Variants in GGPS1 observed in about 807,000 individuals in gnomAD.
GGPS1 encodes the protein geranylgeranyl diphosphate synthase 1, also known as geranylgeranyl pyrophosphate synthase.
Under a neutral mutation model 28.1 loss-of-function variants are expected in GGPS1, and 15 were observed. The ratio of observed to expected loss-of-function variants is 0.53; its 90% CI spans 0.36 to 0.82. The LOEUF (loss-of-function observed/expected upper bound fraction) is 0.82, where lower values mean the gene tolerates loss of function less well. Ranked by LOEUF, GGPS1 falls within the 40% of genes least tolerant of loss-of-function variation. The pLI, the probability that GGPS1 is intolerant of heterozygous loss-of-function variation, is 0.01. For synonymous variants in GGPS1, 138 were observed against 122.4 expected (o/e 1.13, Z -0.84); for missense variants, 284 against 348.3 (o/e 0.82, Z 1.47).
intron 2 of GGPS1, among the ~76,000 whole-genome samples, chr1:235,338,832 C>G (rs1319672043): frequency 3.9e-5 from 6 of 152,120 alleles, no homozygotes; most frequent in Non-Finnish European, 8.8e-5. Context: ...TGCCACTGCA[C>G]TCCAGCCTGG....
In GGPS1 at chr1:235,341,718, G is replaced by A. The variant is rs754548777; in HGVS notation, c.81G>A (p.Val27=). 8.8e-6 allele frequency: 14 copies of A among 1,582,000 alleles called. No homozygotes were observed. In the Admixed American group the frequency reaches 2.2e-4, roughly 25 times the overall value. ...ATTTTTAAATTGCAGGTAAACAAGTGAGAACCAAACTTTCACAGGCATTTA... is the reference window on the plus strand; with the variant it reads ...ATTTTTAAATTGCAGGTAAACAAGTAAGAACCAAACTTTCACAGGCATTTA... The part of the protein sequence containing the change: ...KYLLQLPGKQ[V]RTKLSQAFNH... The change falls in exon 3 of 4, where the codon GTG becomes GTA. Residue 27 remains valine, a synonymous_variant. Transcript: ENST00000282841.
Position 235,336,398 on chromosome 1 carries a change from A to G in GGPS1, c.70+1064A>G, listed in dbSNP as rs542933994. Among the ~76,000 whole-genome samples, 36 of 150,678 alleles carry G rather than the reference A, an allele frequency of 2.4e-4. No homozygotes were observed. In the South Asian group the frequency reaches 7.6e-3, roughly 32 times the overall value. ...GAATGAGACTCCGACTCAAAAAAAA[A>G]GAAGAACTTGTCTGGAAATGATAAT... On this transcript the variant is annotated intron_variant, in intron 2 of 3. Coordinates refer to ENST00000282841, the MANE Select transcript of GGPS1 (RefSeq NM_004837.4).
chr1:235,332,984 C>T (rs918089907), intron 1 of GGPS1, among the ~76,000 whole-genome samples: 4 of 145,852 alleles, frequency 2.7e-5, no homozygotes, highest in Non-Finnish European at 4.5e-5. Flanking sequence ...AGGAGAATTG[C>T]TTGAGCCCAG....
At chr1:235,339,900 G>A (rs1229921140) in intron 2 of GGPS1, among the ~76,000 whole-genome samples, 1 of 152,136 alleles carries the variant, frequency 6.6e-6, no homozygotes, top group Non-Finnish European at 1.5e-5. Flanking sequence ...TAAGTGAACT[G>A]GCCATGGTTT....
At position 235,342,263 on chromosome 1, in the gene GGPS1, T is replaced by C. The variant is rs781544461; in HGVS notation, c.394T>C (p.Trp132Arg). 1 of 1,614,174 alleles carries C rather than the reference T, an allele frequency of 6.2e-7. No individual in the cohort carries two copies. Among genetic ancestry groups the C allele is most frequent in the Non-Finnish European group, 8.5e-7 (1 of 1,179,986 alleles). Reference protein sequence around the residue: ...LHQGQGLDIYWRDNYTCPTEE... With the variant: ...LHQGQGLDIYRRDNYTCPTEE... Reference sequence around the variant, plus strand: ...TCAGGGACAAGGCCTAGATATTTACTGGAGGGATAATTACACTTGTCCCAC... The same window carrying C: ...TCAGGGACAAGGCCTAGATATTTACCGGAGGGATAATTACACTTGTCCCAC... Residue 132 changes from tryptophan to arginine, a missense_variant, in exon 4 of 4, where the codon TGG (tryptophan) becomes CGG (arginine). Trp to Arg is a moderately radical substitution (Grantham distance 101, BLOSUM62 -3). Transcript: ENST00000282841.
rs922689555 is a variant in GGPS1, at chr1:235,342,756, A to G, written c.887A>G (p.Lys296Arg). The G allele has an allele frequency of 6.3e-7, 1 of 1,578,552 alleles. No homozygotes were observed. Among genetic ancestry groups the G allele is most frequent in the Non-Finnish European group, 8.6e-7 (1 of 1,164,882 alleles). Reference sequence around the variant, plus strand: ...GTAAAACACTTAAGTAAGATGTTCAAAGAAGAAAATGAATAATGTTAAGCC... The same window carrying G: ...GTAAAACACTTAAGTAAGATGTTCAGAGAAGAAAATGAATAATGTTAAGCC... ...ALVKHLSKMF[K>R]EENE The change falls in exon 4 of 4, where the codon AAA becomes AGA. Residue 296 changes from lysine to arginine, a missense_variant. Transcript: ENST00000282841.
chr1:235,336,718 ACT>A (rs1449790971), intron 2 of GGPS1: 1 of 152,144 alleles, frequency 6.6e-6, no homozygotes, highest in African/African-American at 2.4e-5. Context: ...CTGTGACTAA[ACT>A]CTAATGATGC....
rs1034239262 is a variant in GGPS1, at chr1:235,342,152, G to T, written c.283G>T (p.Val95Leu). The change falls in exon 4 of 4, where the codon GTG (valine) becomes TTG (leucine). Residue 95 changes from valine (V) to leucine (L), a missense_variant. Coordinates refer to ENST00000282841, the MANE Select transcript of GGPS1 (RefSeq NM_004837.4). ...IPSVINSANY[V>L]YFLGLEKVLT... ...ATCTGTCATCAATTCTGCCAATTAC[G>T]TGTATTTCCTTGGCTTGGAGAAAGT... The T allele has an allele frequency of 6.2e-7, 1 of 1,614,018 alleles. No individual in the cohort carries two copies. Among genetic ancestry groups the T allele is most frequent in the Non-Finnish European group, 8.5e-7 (1 of 1,179,928 alleles).
chr1:235,341,704 G>A lies in GGPS1; in HGVS notation c.71-4G>A. The A allele has an allele frequency of 6.6e-7, 1 of 1,505,692 alleles. No homozygotes were observed. The highest frequency in any genetic ancestry group is 9.2e-7 in the Non-Finnish European group (1 of 1,082,740). The allele number at this position is 1,505,692 out of a possible 1,614,324, so 93.3% of individuals were successfully genotyped here. ...CATTGTCACATTTTATTTTTAAATT[G>A]CAGGTAAACAAGTGAGAACCAAACT... is the stretch of plus-strand genomic sequence containing the variant. On this transcript the variant is annotated splice_polypyrimidine_tract_variant and splice_region_variant and intron_variant, in intron 2 of 3. Transcript: ENST00000282841.
At chr1:235,336,891 C>T (rs1675886060) in intron 2 of GGPS1, 1 of 153,950 alleles carries the variant, frequency 6.5e-6, no homozygotes, top group African/African-American at 2.4e-5. Context: ...ACCTTGGAAA[C>T]CATAATTAGT....
At chr1:235,329,324 G>A (rs1363767943) in intron 1 of GGPS1, 3 of 152,308 alleles carry the variant, frequency 2.0e-5, no homozygotes, top group African/African-American at 7.2e-5. Flanking sequence ...CTTCATGGGT[G>A]TTGAGCGCCG....
In GGPS1 at chr1:235,342,050, TTACTCATC is replaced by T; in HGVS notation, c.182_189del (p.Leu61Ter). 6.2e-7 allele frequency: 1 copy of T among 1,602,278 alleles called. No individual in the cohort carries two copies. On this transcript the variant is annotated frameshift_variant, in exon 4 of 4. Transcript: ENST00000282841. LOFTEE classifies it high-confidence loss of function. Reference sequence around the variant, plus strand: ...GACAGAAATGTTGCATAATGCCAGTTTACTCATCGATGATATTGAAGACAACTCAAAAC... The same window carrying T: ...GACAGAAATGTTGCATAATGCCAGTTGATGATATTGAAGACAACTCAAAAC...
chr1:235,328,096 G>GTCT (rs1252267786), upstream of GGPS1: 2 of 153,354 alleles, frequency 1.3e-5, no homozygotes, highest in Non-Finnish European at 2.9e-5. Flanking sequence ...GGCGGTGGCC[G>GTCT]TGGCGGCGGC....
chr1:235,328,564 C>G (rs2103333110), upstream of GGPS1: 1 of 152,950 alleles, frequency 6.5e-6, no homozygotes, highest in African/African-American at 2.4e-5. Flanking sequence ...GCAACGACGC[C>G]TGCGCAGTGT....
intron 1 of GGPS1, chr1:235,329,837 C>G (rs1675640998): frequency 6.6e-6 from 1 of 152,230 alleles, no homozygotes; most frequent in Admixed American, 6.5e-5. Flanking sequence ...GAGGCAAATG[C>G]AGGGAACCCG....
chr1:235,338,123 G>C (rs898118904), intron 2 of GGPS1, among the ~76,000 whole-genome samples: 3 of 152,174 alleles, frequency 2.0e-5, no homozygotes, highest in African/African-American at 7.2e-5. Flanking sequence ...GCTCACATCT[G>C]TACTCCCAGC....
chr1:235,341,292 A>C (rs997730961), intron 2 of GGPS1, among the ~76,000 whole-genome samples: 1 of 152,194 alleles, frequency 6.6e-6, no homozygotes, highest in Non-Finnish European at 1.5e-5. Flanking sequence ...ACGCCACTGC[A>C]CTCCAGCCTG....
At chr1:235,330,461 G>T (rs925235215) in intron 1 of GGPS1, 2 of 152,150 alleles carry the variant, frequency 1.3e-5, no homozygotes, top group Admixed American at 6.6e-5. Flanking sequence ...CTCCAGCCTG[G>T]GCGACAGAGT....
intron 1 of GGPS1, among the ~76,000 whole-genome samples, chr1:235,333,338 G>A (rs942579546): frequency 4.6e-5 from 7 of 151,742 alleles, no homozygotes; most frequent in African/African-American, 1.2e-4. Context: ...AGGCTGAGGC[G>A]GGTGGATCGC....
Sources: gnomAD v4.1 joint callset for allele counts (sites outside exome capture counted in the v4.1 genomes callset) on GRCh38, gnomAD v4.1.1 for gene constraint, MANE v1.5 for transcripts, NCBI Gene and HGNC (gene_info 2026-07-23, HGNC 2026-07-21) for gene names.